PCDH15: variants seen among roughly 807,000 people sequenced by gnomAD.
The protein encoded by PCDH15 is protocadherin-15.
A neutral mutation model predicts 178.5 loss-of-function variants in PCDH15; 129 were observed. The observed-to-expected ratio is 0.72, with a 90% CI of 0.63 to 0.84. The LOEUF (loss-of-function observed/expected upper bound fraction) is 0.84. Ranked by LOEUF, PCDH15 falls within the 40% of genes least tolerant of loss-of-function variation. The pLI, the probability that PCDH15 is intolerant of heterozygous loss-of-function variation, is 0.00. For missense variants in PCDH15, 2,230 were observed against 2,099.9 expected (o/e 1.06, Z -1.21); for synonymous variants, 800 against 732.0 (o/e 1.09, Z -1.50).
At chr10:55,348,324 T>A (rs969370580) in intron 2 of PCDH15, among the ~76,000 whole-genome samples, 1 of 152,114 alleles carries the variant, frequency 6.6e-6, no homozygotes, top group South Asian at 2.1e-4. Flanking sequence ...GAAAAATATA[T>A]TGGAGAGTGT....
At chr10:54,112,591 A>G (rs1189572274) in intron 15 of PCDH15, among the ~76,000 whole-genome samples, 1 of 152,184 alleles carries the variant, frequency 6.6e-6, no homozygotes, top group Admixed American at 6.5e-5. Context: ...ACTCATCTCA[A>G]AACACATTCA....
intron 2 of PCDH15, among the ~76,000 whole-genome samples, chr10:55,055,237 C>T (rs1216020808): frequency 6.6e-6 from 1 of 152,106 alleles, no homozygotes; most frequent in Non-Finnish European, 1.5e-5. Flanking sequence ...TATGGCTAGC[C>T]TGTTATCCAA....
At chr10:54,083,397 T>C (rs1014696593) in intron 16 of PCDH15, among the ~76,000 whole-genome samples, 4 of 152,166 alleles carry the variant, frequency 2.6e-5, no homozygotes, top group African/African-American at 9.7e-5. Flanking sequence ...AATTTATGAA[T>C]AGGTAAACAA....
At chr10:55,334,895 T>A (rs1844339392) in intron 2 of PCDH15, among the ~76,000 whole-genome samples, 2 of 152,180 alleles carry the variant, frequency 1.3e-5, no homozygotes, top group African/African-American at 4.8e-5. Context: ...AAAACAGAAC[T>A]ATTATTAGAT....
intron 3 of PCDH15, among the ~76,000 whole-genome samples, chr10:54,503,787 A>G (rs529721896): frequency 1.3e-5 from 2 of 152,094 alleles, no homozygotes; most frequent in African/African-American, 4.8e-5. Context: ...AGGTGTTTAG[A>G]TTGTTCTTTC....
chr10:53,870,052 T>C (rs980742175), intron 26 of PCDH15, among the ~76,000 whole-genome samples: 2 of 152,224 alleles, frequency 1.3e-5, no homozygotes, highest in African/African-American at 4.8e-5. Flanking sequence ...GTGGTTACCA[T>C]AAAATCACCA....
At chr10:54,806,460 C>A (rs1017211384) in intron 3 of PCDH15, among the ~76,000 whole-genome samples, 1 of 151,052 alleles carries the variant, frequency 6.6e-6, no homozygotes, top group Non-Finnish European at 1.5e-5. Flanking sequence ...TTGGTTATGA[C>A]TATATGACTG....
chr10:54,854,775 C>T (rs968421696), intron 3 of PCDH15, among the ~76,000 whole-genome samples: 3 of 152,124 alleles, frequency 2.0e-5, no homozygotes, highest in Admixed American at 6.5e-5. Context: ...TTAGTGGCCA[C>T]GGGCAGGCCA....
chr10:55,052,613 G>A (rs1363294629), intron 2 of PCDH15, among the ~76,000 whole-genome samples: 1 of 150,606 alleles, frequency 6.6e-6, no homozygotes, highest in Non-Finnish European at 1.5e-5. Context: ...TCACTAGGGA[G>A]GCTGAGGTGG....
At chr10:55,345,131 G>GTA (rs1844714372) in intron 2 of PCDH15, among the ~76,000 whole-genome samples, 1 of 149,922 alleles carries the variant, frequency 6.7e-6, no homozygotes, top group Admixed American at 6.6e-5. Context: ...TCCTAAAAGT[G>GTA]TGTGTGTGTG....
At chr10:54,377,077 AT>A (rs1253171268) in intron 4 of PCDH15, among the ~76,000 whole-genome samples, 1 of 152,050 alleles carries the variant, frequency 6.6e-6, no homozygotes, top group Non-Finnish European at 1.5e-5. Context: ...TATAAATTTT[AT>A]GTAAAAAGTA....
intron 2 of PCDH15, among the ~76,000 whole-genome samples, chr10:55,606,421 A>C (rs1157374351): frequency 9.2e-5 from 14 of 151,400 alleles, no homozygotes; most frequent in Non-Finnish European, 1.8e-4. Context: ...GGAACCAAAA[A>C]AGAGCCCGCA....
chr10:53,806,274 G>GATT lies in PCDH15; in HGVS notation c.*302_*304dup, dbSNP rs1381788047. Reference sequence around the variant, plus strand: ...CTATGTTAATCAATAAAATATAAATGATTATTTAGTAATTATTTCTTGTTT... The same window carrying GATT: ...CTATGTTAATCAATAAAATATAAATGATTATTATTTAGTAATTATTTCTTGTTT... On this transcript the variant is annotated 3_prime_UTR_variant, in exon 38 of 38. Coordinates refer to ENST00000644397, the MANE Select transcript of PCDH15 (RefSeq NM_001384140.1). 1 of 247,268 alleles carries GATT rather than the reference G, an allele frequency of 4.0e-6. No individual in the cohort carries two copies. The highest frequency in any genetic ancestry group is 7.8e-6 in the Non-Finnish European group (1 of 128,484). 15.3% of individuals were successfully genotyped at this position (247,268 alleles called of 1,614,324 possible). A position where few individuals can be genotyped will look rare whatever the true frequency, so the allele number is the denominator to read the frequency against.
At chr10:54,843,463 T>A (rs1168101966) in intron 3 of PCDH15, among the ~76,000 whole-genome samples, 1 of 152,014 alleles carries the variant, frequency 6.6e-6, no homozygotes, top group African/African-American at 2.4e-5. Flanking sequence ...TTTATGTGTG[T>A]CTGACAGGCT....
intron 2 of PCDH15, among the ~76,000 whole-genome samples, chr10:55,464,642 A>ATGTGTGTGTGTG (rs1565166913): frequency 6.3e-5 from 9 of 142,878 alleles, no homozygotes; most frequent in Non-Finnish European, 7.5e-5. Flanking sequence ...ATATATATAT[A>ATGTGTGTGTGTG]TATATATATA....
intron 1 of PCDH15, among the ~76,000 whole-genome samples, chr10:54,675,189 G>A (rs774093430): frequency 1.3e-5 from 2 of 151,736 alleles, no homozygotes; most frequent in Admixed American, 6.6e-5. Context: ...AATTCAAACT[G>A]CCTGTATAAT....
chr10:54,992,702 C>A (rs531725617), intron 2 of PCDH15, among the ~76,000 whole-genome samples: 1 of 150,054 alleles, frequency 6.7e-6, no homozygotes, highest in East Asian at 2.0e-4. Context: ...TTGCAGTGAG[C>A]AGAGATCAGG....
intron 15 of PCDH15, among the ~76,000 whole-genome samples, chr10:54,093,568 T>C (rs1399766175): frequency 1.3e-5 from 2 of 152,176 alleles, no homozygotes; most frequent in Non-Finnish European, 1.5e-5. Context: ...GATTTGATTA[T>C]GTGTGTATAT....
intron 2 of PCDH15, among the ~76,000 whole-genome samples, chr10:55,423,333 A>G (rs1838670809): frequency 6.6e-6 from 1 of 152,050 alleles, no homozygotes; most frequent in Non-Finnish European, 1.5e-5. Flanking sequence ...AGGGTATCAG[A>G]TATAGTTGTA....
Sources: gnomAD v4.1 joint callset for allele counts (sites outside exome capture counted in the v4.1 genomes callset) on GRCh38, gnomAD v4.1.1 for gene constraint, MANE v1.5 for transcripts, NCBI Gene and HGNC (gene_info 2026-07-23, HGNC 2026-07-21) for gene names.